The following DYRK3 variants were observed in gnomAD, a reference collection of about 807,000 sequenced individuals.
DYRK3 encodes dual specificity tyrosine phosphorylation regulated kinase 3, also known as dual specificity tyrosine-phosphorylation-regulated kinase 3.
Under a neutral mutation model 40.8 loss-of-function variants are expected in DYRK3, and 30 were observed. The ratio of observed to expected loss-of-function variants is 0.74; its 90% CI spans 0.55 to 1.00. The LOEUF (loss-of-function observed/expected upper bound fraction) is 1.00. Among genes scored for constraint, DYRK3 ranks in the 50% least tolerant of loss-of-function variants. The pLI, the probability that DYRK3 is intolerant of heterozygous loss-of-function variation, is 0.00. For missense variants in DYRK3, 699 were observed against 731.5 expected (o/e 0.96, Z 0.51); for synonymous variants, 272 against 260.7 (o/e 1.04, Z -0.42).
Position 206,649,056 on chromosome 1 carries a change from G to A in DYRK3, c.*91G>A. Reference sequence around the variant, plus strand: ...AAAAAATGCAAGCCCATTGGTGGATGTTTTTGTTAGAGTAGACTTTTTTTA... The same window carrying A: ...AAAAAATGCAAGCCCATTGGTGGATATTTTTGTTAGAGTAGACTTTTTTTA... On this transcript the variant is annotated 3_prime_UTR_variant, in exon 3 of 3. Coordinates refer to ENST00000367109, the MANE Select transcript of DYRK3 (RefSeq NM_003582.4). 1 of 1,364,762 alleles carries A rather than the reference G, an allele frequency of 7.3e-7. No individual in the cohort carries two copies. The highest frequency in any genetic ancestry group is 2.4e-5 in the Admixed American group (1 of 41,482). 84.5% of individuals were successfully genotyped at this position (1,364,762 alleles called of 1,614,324 possible).
rs184649442 is a variant in DYRK3, at chr1:206,640,391, C to A, written c.189+2630C>A. ...GCTTCATTTATTCAAGATGCTCCTA[C>A]ATTCTCATGGTAAACTATAAATCAT... On this transcript the variant is annotated intron_variant, in intron 2 of 2. Transcript: ENST00000367109. Among the ~76,000 whole-genome samples, 22 of 152,164 alleles carry A rather than the reference C, an allele frequency of 1.4e-4. No individual in the cohort carries two copies. The East Asian group carries it at 3.3e-3, about 23-fold the overall frequency.
chr1:206,637,392 T>C (rs190178394), intron 1 of DYRK3, among the ~76,000 whole-genome samples: 126 of 152,378 alleles, frequency 8.3e-4, no homozygotes, highest in Middle Eastern at 3.4e-3. Flanking sequence ...TGATAGTCCT[T>C]ATTGTGTTTA....
chr1:206,636,131 C>A, intron 1 of DYRK3: 1 of 1,243,788 alleles, frequency 8.0e-7, no homozygotes, highest in Non-Finnish European at 1.1e-6. Flanking sequence ...GGGAGCAATA[C>A]CTTGGAAAGA....
chr1:206,644,081 A>T (rs1323914669), intron 2 of DYRK3, among the ~76,000 whole-genome samples: 3 of 124,904 alleles, frequency 2.4e-5, no homozygotes, highest in Non-Finnish European at 4.7e-5. Flanking sequence ...GTCGCCCAGG[A>T]TAGAGTGCAG....
intron 2 of DYRK3, among the ~76,000 whole-genome samples, chr1:206,638,169 G>A (rs935667045): frequency 4.7e-5 from 7 of 150,094 alleles, no homozygotes; most frequent in South Asian, 2.1e-4. Context: ...TGCAGTCTTC[G>A]TTTATTAGTA....
At chr1:206,640,796 C>T (rs557880057) in intron 2 of DYRK3, among the ~76,000 whole-genome samples, 50 of 152,198 alleles carry the variant, frequency 3.3e-4, no homozygotes, top group Middle Eastern at 3.4e-3. Context: ...GTGATCCGCC[C>T]GCCTTGGCCT....
At chr1:206,636,788 C>T (rs761233098) in intron 1 of DYRK3, 97 of 745,626 alleles carry the variant, frequency 1.3e-4, no homozygotes, top group Non-Finnish European at 1.9e-4. Flanking sequence ...CTGGGAAATC[C>T]GTGTTCTTGG....
Position 206,638,268 on chromosome 1 carries a change from A to T in DYRK3, c.189+507A>T, listed in dbSNP as rs115252987. Among the ~76,000 whole-genome samples the T allele has an allele frequency of 9.7e-3, 1,163 of 119,622 alleles. 22 individuals are homozygous for T. The highest frequency in any genetic ancestry group is 0.034 in the African/African-American group (1,112 of 32,242). The allele number at this position is 119,622 out of a possible 152,430, so 78.5% of individuals were successfully genotyped here. On this transcript the variant is annotated intron_variant, in intron 2 of 2. Coordinates refer to ENST00000367109, the MANE Select transcript of DYRK3 (RefSeq NM_003582.4). ...ATCATTTTGGGGACTGCAGACACTT[A>T]GCTTTTTTTTTTTTTTTTTTTTTTT...
Position 206,647,766 on chromosome 1 carries a change from T to A in DYRK3, c.568T>A (p.Tyr190Asn), listed in dbSNP as rs78290906. 4 of 1,613,878 alleles carry A rather than the reference T, an allele frequency of 2.5e-6. No homozygotes were observed. The highest frequency in any genetic ancestry group is 3.4e-6 in the Non-Finnish European group (4 of 1,180,006). ...GVIGGPNNGG[Y>N]DDADGAYIHV... is the part of the protein sequence containing the mutation. ...TATTGGTGGTCCCAATAATGGAGGG[T>A]ATGATGATGCAGATGGGGCCTATAT... Residue 190 changes from tyrosine to asparagine, a missense_variant, in exon 3 of 3, where the codon TAT (tyrosine) becomes AAT (asparagine). Physicochemically the swap from Tyr to Asn is moderately radical, Grantham distance 143. Transcript: ENST00000367109.
At chr1:206,637,999 G>GA (rs1420657197) in intron 2 of DYRK3, among the ~76,000 whole-genome samples, 1 of 151,894 alleles carries the variant, frequency 6.6e-6, no homozygotes, top group Non-Finnish European at 1.5e-5. Flanking sequence ...ATAGCACTAG[G>GA]AAAAAAATAA....
At position 206,653,085 on chromosome 1, in the gene DYRK3, A is replaced by G. The variant is rs902680653; in HGVS notation, c.*4120A>G. On this transcript the variant is annotated 3_prime_UTR_variant, in exon 3 of 3. Transcript: ENST00000367109. ...CGTCCAGGCTGGAGTGAAGTGGCGC[A>G]GTGTTGTCTGCAGCCTCAACCTCCC... Among the ~76,000 whole-genome samples the G allele has an allele frequency of 6.6e-6, 1 of 151,972 alleles. No individual in the cohort carries two copies. Among genetic ancestry groups the G allele is most frequent in the East Asian group, 1.9e-4 (1 of 5,190 alleles).
At chr1:206,637,000 T>A (rs781878229) in intron 1 of DYRK3, 2 of 1,517,220 alleles carry the variant, frequency 1.3e-6, no homozygotes, top group South Asian at 2.2e-5. Flanking sequence ...ATTTAGAGCA[T>A]CCTTTTAGCG....
At chr1:206,635,869 G>A in intron 1 of DYRK3, 89 bp downstream of exon 1, 1 of 1,248,114 alleles carries the variant, frequency 8.0e-7, no homozygotes, top group Non-Finnish European at 1.0e-6. Flanking sequence ...AGGAGGTAGA[G>A]TGAGCCCTCA....
At chr1:206,636,877 G>A in intron 1 of DYRK3, 2 of 1,603,998 alleles carry the variant, frequency 1.2e-6, no homozygotes, top group Non-Finnish European at 1.7e-6. Flanking sequence ...CCTTACAGTG[G>A]TGGAGCCACA....
intron 1 of DYRK3, chr1:206,636,833 T>G: frequency 7.3e-7 from 1 of 1,365,948 alleles, no homozygotes; most frequent in Non-Finnish European, 1.0e-6. Flanking sequence ...GGCCATCTTG[T>G]GGATTAAATA....
At position 206,648,663 on chromosome 1, in the gene DYRK3, G is replaced by A. The variant is rs1671540980; in HGVS notation, c.1465G>A (p.Gly489Arg). 1 of 1,614,020 alleles carries A rather than the reference G, an allele frequency of 6.2e-7. No homozygotes were observed. The highest frequency in any genetic ancestry group is 1.3e-5 in the African/African-American group (1 of 75,012). ...GSKDWGTALKGCDDYLFIEFL... is the reference protein window; with the variant it reads ...GSKDWGTALKRCDDYLFIEFL... ...CAAAGACTGGGGGACAGCACTGAAA[G>A]GGTGTGATGACTACTTGTTTATAGA... Residue 489 changes from glycine (G) to arginine (R), a missense_variant, in exon 3 of 3, where the codon GGG (glycine) becomes AGG (arginine). Coordinates refer to ENST00000367109, the MANE Select transcript of DYRK3 (RefSeq NM_003582.4).
chr1:206,645,580 C>A (rs1420948615), intron 2 of DYRK3, among the ~76,000 whole-genome samples: 1 of 151,992 alleles, frequency 6.6e-6, no homozygotes, highest in Non-Finnish European at 1.5e-5. Context: ...GTAGCGTGAT[C>A]TTGGCTCACT....
intron 2 of DYRK3, among the ~76,000 whole-genome samples, chr1:206,642,764 A>G (rs1553419522): frequency 6.6e-6 from 1 of 152,016 alleles, no homozygotes; most frequent in Non-Finnish European, 1.5e-5. Context: ...ATCACACACC[A>G]GGACCTGTCG....
In DYRK3 at chr1:206,648,089, G is replaced by A. The variant is rs55726720; in HGVS notation, c.891G>A (p.Glu297=). The change falls in exon 3 of 3, where the codon GAG becomes GAA. Residue 297 remains glutamate (E), a synonymous_variant. Coordinates refer to ENST00000367109, the MANE Select transcript of DYRK3 (RefSeq NM_003582.4). The stretch of plus-strand genomic sequence containing the variant: ...AATTGCTGAGCATAGACCTTTATGA[G>A]CTGATTAAAAAAAATAAGTTTCAGG... ...AFELLSIDLY[E]LIKKNKFQGF... 170 of 1,613,986 alleles carry A rather than the reference G, an allele frequency of 1.1e-4. 3 individuals carry two copies. In the East Asian group the frequency reaches 3.3e-3, roughly 31 times the overall value.
Sources: allele counts gnomAD v4.1 joint callset (sites outside exome capture counted in the v4.1 genomes callset), GRCh38; gene constraint gnomAD v4.1.1; transcripts MANE v1.5; gene names NCBI Gene and HGNC (gene_info 2026-07-23, HGNC 2026-07-21).